SPOCK1: variants seen among roughly 807,000 people sequenced by gnomAD.
SPOCK1 encodes the protein SPARC (osteonectin), cwcv and kazal like domains proteoglycan 1, also known as testican-1.
A neutral mutation model predicts 55.3 loss-of-function variants in SPOCK1; 23 were observed. The observed-to-expected ratio is 0.42, with a 90% CI of 0.30 to 0.59. The LOEUF (loss-of-function observed/expected upper bound fraction) is 0.59, where lower values mean the gene tolerates loss of function less well. SPOCK1 is among the 20% of genes least tolerant of loss of function. The pLI is 0.22. For synonymous variants in SPOCK1, 226 were observed against 221.0 expected, an observed-to-expected ratio of 1.02 and a Z score of -0.20; for missense variants, 499 against 552.5, an observed-to-expected ratio of 0.90 and a Z score of 0.97.
intron 2 of SPOCK1, among the ~76,000 whole-genome samples, chr5:137,455,526 A>G (rs1753346351): frequency 6.6e-6 from 1 of 152,190 alleles, no homozygotes; most frequent in East Asian, 1.9e-4. Flanking sequence ...AATTCTAAAG[A>G]GACAGCAGCC....
At chr5:137,226,932 T>A (rs1755958145) in intron 3 of SPOCK1, among the ~76,000 whole-genome samples, 1 of 152,258 alleles carries the variant, frequency 6.6e-6, no homozygotes, top group South Asian at 2.1e-4. Flanking sequence ...AAATGTGATG[T>A]AACAGGTGCT....
chr5:137,217,200 C>A (rs1755733250), intron 3 of SPOCK1, among the ~76,000 whole-genome samples: 1 of 152,206 alleles, frequency 6.6e-6, no homozygotes, highest in Non-Finnish European at 1.5e-5. Flanking sequence ...AATAAATAAA[C>A]ATGCTCCCAG....
chr5:137,164,911 C>T (rs1363010906), intron 3 of SPOCK1, among the ~76,000 whole-genome samples: 1 of 152,164 alleles, frequency 6.6e-6, no homozygotes, highest in Non-Finnish European at 1.5e-5. Flanking sequence ...AAATAGAACA[C>T]TAGGTAAATG....
chr5:137,352,981 C>T (rs1047917095), intron 2 of SPOCK1, among the ~76,000 whole-genome samples: 1 of 152,092 alleles, frequency 6.6e-6, no homozygotes, highest in Non-Finnish European at 1.5e-5. Flanking sequence ...TGGCTATCAT[C>T]TTTGCAGTTC....
At chr5:137,284,559 G>C (rs1024501352) in intron 2 of SPOCK1, among the ~76,000 whole-genome samples, 3 of 152,198 alleles carry the variant, frequency 2.0e-5, no homozygotes, top group Non-Finnish European at 2.9e-5. Flanking sequence ...GGAAGGTGCT[G>C]GGCCTGGCTC....
chr5:137,304,539 T>G (rs1177111410), intron 2 of SPOCK1, among the ~76,000 whole-genome samples: 1 of 151,978 alleles, frequency 6.6e-6, no homozygotes, highest in East Asian at 1.9e-4. Flanking sequence ...GGAATAGGAT[T>G]TTTATGGGAA....
intron 2 of SPOCK1, among the ~76,000 whole-genome samples, chr5:137,468,581 A>G (rs1357309898): frequency 6.6e-6 from 1 of 152,226 alleles, no homozygotes; most frequent in Admixed American, 6.5e-5. Flanking sequence ...ACGAAGGACC[A>G]TCTTTTCTAT....
chr5:137,192,250 A>AAG (rs1554069270), intron 3 of SPOCK1, among the ~76,000 whole-genome samples: 3 of 147,848 alleles, frequency 2.0e-5, no homozygotes, highest in Non-Finnish European at 3.0e-5. Flanking sequence ...AAAAAAAAAA[A>AAG]AAAAAGAAAA....
intron 2 of SPOCK1, among the ~76,000 whole-genome samples, chr5:137,430,800 G>A (rs1272867325): frequency 6.6e-6 from 1 of 152,126 alleles, no homozygotes; most frequent in South Asian, 2.1e-4. Context: ...CTGTTGAGTG[G>A]CTGCCCAAAA....
intron 3 of SPOCK1, among the ~76,000 whole-genome samples, chr5:137,262,038 A>G (rs1348271210): frequency 1.3e-5 from 2 of 152,236 alleles, no homozygotes; most frequent in Non-Finnish European, 2.9e-5. Context: ...TTGTTCAGCA[A>G]AAGTACTATA....
At chr5:137,439,872 A>G (rs1166544709) in intron 2 of SPOCK1, among the ~76,000 whole-genome samples, 1 of 152,214 alleles carries the variant, frequency 6.6e-6, no homozygotes, top group Non-Finnish European at 1.5e-5. Flanking sequence ...TTCTTAATCA[A>G]ACAGCCCAGC....
rs11377127 is a variant in SPOCK1 at position 136,978,443 on chromosome 5, C to CAA, written c.*209_*210dup. ...TCCCTATCCAAAAAATAAACAACAA[C>CAA]AAAAAAAAAACACAACACCCTTTCT... On this transcript the variant is annotated 3_prime_UTR_variant, in exon 11 of 11. Coordinates refer to ENST00000394945, the MANE Select transcript of SPOCK1 (RefSeq NM_004598.4). 0.059 allele frequency: 21,749 copies of CAA among 368,926 alleles called. 117 individuals carry two copies. Among genetic ancestry groups the CAA allele is most frequent in the Middle Eastern group, 0.08 (113 of 1,420 alleles). The allele number at this position is 368,926 out of a possible 1,614,324, so 22.9% of individuals were successfully genotyped here. A position where few individuals can be genotyped will look rare whatever the true frequency, so the allele number is the denominator to read the frequency against.
intron 2 of SPOCK1, among the ~76,000 whole-genome samples, chr5:137,298,575 T>C (rs1757531108): frequency 6.6e-6 from 1 of 152,196 alleles, no homozygotes; most frequent in African/African-American, 2.4e-5. Flanking sequence ...GTCCATCAAT[T>C]GCTGAGAGAG....
chr5:137,016,901 A>C (rs1397247278), intron 6 of SPOCK1, among the ~76,000 whole-genome samples: 1 of 152,216 alleles, frequency 6.6e-6, no homozygotes, highest in East Asian at 1.9e-4. Flanking sequence ...AGTAAAGGAG[A>C]AACCAGGAAC....
At chr5:137,440,290 TC>T (rs5871637) in intron 2 of SPOCK1, among the ~76,000 whole-genome samples, 109,604 of 151,768 alleles carry the variant, frequency 0.72, 39,803 homozygotes, top group East Asian at 0.89. Flanking sequence ...TGAGAAAAGC[TC>T]CTAGAAAATA....
chr5:137,051,949 C>A (rs967635484), intron 6 of SPOCK1, among the ~76,000 whole-genome samples: 1 of 152,194 alleles, frequency 6.6e-6, no homozygotes, highest in African/African-American at 2.4e-5. Flanking sequence ...TACTCCCCAG[C>A]ATCTAGGTAG....
intron 8 of SPOCK1, among the ~76,000 whole-genome samples, chr5:136,987,923 T>C (rs1750874708): frequency 6.6e-6 from 1 of 152,232 alleles, no homozygotes; most frequent in Non-Finnish European, 1.5e-5. Context: ...TTTTCTTCTA[T>C]TCCCCAAATC....
chr5:137,383,426 T>C (rs1751520802), intron 2 of SPOCK1, among the ~76,000 whole-genome samples: 1 of 152,152 alleles, frequency 6.6e-6, no homozygotes, highest in Admixed American at 6.5e-5. Context: ...TTCAACTATG[T>C]CTGTTCCCCA....
intron 2 of SPOCK1, among the ~76,000 whole-genome samples, chr5:137,420,776 T>C (rs1407427832): frequency 2.0e-5 from 3 of 152,102 alleles, no homozygotes; most frequent in Non-Finnish European, 4.4e-5. Flanking sequence ...TTTTGAAGGG[T>C]TTTTTGTGTC....
Sources: gnomAD v4.1 joint callset for allele counts (sites outside exome capture counted in the v4.1 genomes callset) on GRCh38, gnomAD v4.1.1 for gene constraint, MANE v1.5 for transcripts, NCBI Gene and HGNC (gene_info 2026-07-23, HGNC 2026-07-21) for gene names.